C6: variants seen among roughly 807,000 people sequenced by gnomAD.
C6 encodes the protein complement C6, also known as complement component C6.
C6 carries 101 observed loss-of-function variants against 112.9 expected under a neutral mutation model. The ratio of observed to expected loss-of-function variants is 0.89; its 90% confidence interval spans 0.76 to 1.06. The LOEUF (loss-of-function observed/expected upper bound fraction) is 1.06. Among genes scored for constraint, C6 ranks in the 50% least tolerant of loss-of-function variants. The pLI is 0.00. For missense variants in C6, 1,202 were observed against 1,104.6 expected, an observed-to-expected ratio of 1.09 and a Z score of -1.25; for synonymous variants, 431 against 384.1, an observed-to-expected ratio of 1.12 and a Z score of -1.43.
At chr5:41,145,336 T>G (rs1561084944) in intron 17 of C6, among the ~76,000 whole-genome samples, 1 of 152,204 alleles carries the variant, frequency 6.6e-6, no homozygotes, top group African/African-American at 2.4e-5. Flanking sequence ...TGATAAGTGC[T>G]TTTTTGGAGA....
chr5:41,163,729 C>A (rs1422444442), intron 9 of C6, among the ~76,000 whole-genome samples: 1 of 152,126 alleles, frequency 6.6e-6, no homozygotes, highest in African/African-American at 2.4e-5. Flanking sequence ...TTTTAATGCA[C>A]ATTTTTGAAT....
At chr5:41,162,586 G>T in intron 9 of C6, among the ~76,000 whole-genome samples, 1 of 152,046 alleles carries the variant, frequency 6.6e-6, no homozygotes, top group Non-Finnish European at 1.5e-5. Context: ...TAACTAACAG[G>T]GATAGAGACT....
chr5:41,167,377 G>A (rs1224707828), intron 9 of C6, among the ~76,000 whole-genome samples: 4 of 152,112 alleles, frequency 2.6e-5, no homozygotes, highest in African/African-American at 7.2e-5. Flanking sequence ...GATAAAAAAT[G>A]TATACAACAG....
intron 1 of C6, among the ~76,000 whole-genome samples, chr5:41,234,203 G>A (rs536584591): frequency 1.2e-3 from 184 of 151,996 alleles, no homozygotes; most frequent in Non-Finnish European, 1.3e-4. Context: ...CTATGTAATT[G>A]CAATGTATCA....
chr5:41,224,304 A>G (rs1016146915), intron 1 of C6, among the ~76,000 whole-genome samples: 8 of 152,168 alleles, frequency 5.3e-5, no homozygotes, highest in African/African-American at 1.9e-4. Context: ...ATAGTCTTCA[A>G]TATATTCACA....
At chr5:41,150,483 AAAGAG>A (rs1396350483) in intron 15 of C6, among the ~76,000 whole-genome samples, 1 of 152,196 alleles carries the variant, frequency 6.6e-6, no homozygotes, top group Non-Finnish European at 1.5e-5. Flanking sequence ...TAGGGCTATC[AAAGAG>A]AAGCATATAA....
chr5:41,153,785 C>A, intron 15 of C6, 25 bp downstream of exon 15: 1 of 1,585,256 alleles, frequency 6.3e-7, no homozygotes, highest in Non-Finnish European at 8.7e-7. Context: ...CTTATCAGAC[C>A]CCAGAACACT....
chr5:41,248,140 C>T (rs141891583), intron 1 of C6, among the ~76,000 whole-genome samples: 1,529 of 152,008 alleles, frequency 0.01, 33 homozygotes, highest in African/African-American at 0.035. Context: ...TGAAGCTGGA[C>T]CTGTATCTTT....
At chr5:41,169,672 A>T (rs1748266922) in intron 9 of C6, among the ~76,000 whole-genome samples, 1 of 152,104 alleles carries the variant, frequency 6.6e-6, no homozygotes, top group South Asian at 2.1e-4. Context: ...GTCACGTCCT[A>T]CATGACTGGA....
At chr5:41,173,723 T>C (rs1437778494) in intron 8 of C6, among the ~76,000 whole-genome samples, 1 of 151,828 alleles carries the variant, frequency 6.6e-6, no homozygotes, top group African/African-American at 2.4e-5. Context: ...TCTGAAGGCA[T>C]AGATCGCTGA....
At chr5:41,253,385 C>T (rs980369250) in intron 1 of C6, among the ~76,000 whole-genome samples, 2 of 152,146 alleles carry the variant, frequency 1.3e-5, no homozygotes, top group Admixed American at 6.5e-5. Context: ...TCTCATAAAT[C>T]TCTCTCTGTG....
intron 6 of C6, among the ~76,000 whole-genome samples, chr5:41,184,232 C>G (rs934122174): frequency 1.3e-5 from 2 of 152,058 alleles, no homozygotes; most frequent in East Asian, 3.9e-4. Flanking sequence ...GGGTCCAGCA[C>G]ATCATTGTCT....
At chr5:41,172,128 A>T in intron 9 of C6, 97 bp downstream of exon 9, 1 of 1,274,660 alleles carries the variant, frequency 7.8e-7, no homozygotes, top group East Asian at 2.3e-5. Context: ...GAAATAAATG[A>T]AAAGCTAAAA....
At chr5:41,157,420 G>A (rs764315238) in intron 13 of C6, among the ~76,000 whole-genome samples, 1 of 152,208 alleles carries the variant, frequency 6.6e-6, no homozygotes, top group Non-Finnish European at 1.5e-5. Context: ...GGGCCAGTAA[G>A]CTTTTCTATA....
intron 7 of C6, among the ~76,000 whole-genome samples, chr5:41,180,082 A>AT (rs1437001455): frequency 1.3e-5 from 2 of 152,138 alleles, no homozygotes; most frequent in East Asian, 1.9e-4. Context: ...ATCTCTTAGA[A>AT]TTGTTTTGAG....
rs771901378 is a variant in C6 at position 41,142,888 on chromosome 5, C to T, written c.2742G>A (p.Val914=). ...TCCTGTTTGCACATCTTATAGTTCC[C>T]ACTTCACAGATGTTCAATGTTTTCT... The part of the protein sequence containing the change: ...TSEKTLNICE[V]GTIRCANRKM... Residue 914 remains valine (V), a synonymous_variant, in exon 18 of 18, where the codon GTG becomes GTA. Coordinates refer to ENST00000337836, the MANE Select transcript of C6 (RefSeq NM_000065.5). 2 of 1,613,452 alleles carry T rather than the reference C, an allele frequency of 1.2e-6. No individual in the cohort carries two copies. The highest frequency in any genetic ancestry group is 3.3e-5 in the Admixed American group (2 of 59,926).
intron 5 of C6, among the ~76,000 whole-genome samples, chr5:41,194,550 C>T (rs375392199): frequency 6.7e-4 from 102 of 152,156 alleles, no homozygotes; most frequent in African/African-American, 2.3e-3. Flanking sequence ...GTCTTTGGTG[C>T]CTCGAGTTTT....
chr5:41,196,204 C>A (rs1227975071), intron 4 of C6, among the ~76,000 whole-genome samples: 1 of 151,504 alleles, frequency 6.6e-6, no homozygotes, highest in Non-Finnish European at 1.5e-5. Context: ...TTACAGTGAG[C>A]CGCTATAGAG....
At chr5:41,233,961 C>G (rs1227325655) in intron 1 of C6, among the ~76,000 whole-genome samples, 1 of 152,016 alleles carries the variant, frequency 6.6e-6, no homozygotes, top group South Asian at 2.1e-4. Context: ...ATGATTTCCA[C>G]AAATATTTCT....
Sources: allele counts gnomAD v4.1 joint callset (sites outside exome capture counted in the v4.1 genomes callset), GRCh38; gene constraint gnomAD v4.1.1; transcripts MANE v1.5; gene names NCBI Gene and HGNC (gene_info 2026-07-23, HGNC 2026-07-21).